The following KANSL2 variants were observed in gnomAD, a reference collection of about 807,000 sequenced individuals.
The protein encoded by KANSL2 is NSL complex protein NSL2.
Under a neutral mutation model 55.6 loss-of-function variants are expected in KANSL2, and 34 were observed. The observed-to-expected ratio is 0.61, with a 90% confidence interval of 0.46 to 0.81. The LOEUF (loss-of-function observed/expected upper bound fraction) is 0.81, where lower values mean the gene tolerates loss of function less well. KANSL2 is among the 40% of genes least tolerant of loss of function. The pLI is 0.00. For missense variants in KANSL2, 502 were observed against 609.9 expected (o/e 0.82, Z 1.86); for synonymous variants, 209 against 214.3 (o/e 0.98, Z 0.22).
rs564271582 is a variant in KANSL2 at position 48,678,399 on chromosome 12, G to T, written c.545+637C>A. Among the ~76,000 whole-genome samples, 12 of 151,876 alleles carry T rather than the reference G, an allele frequency of 7.9e-5. No homozygotes were observed. The South Asian group carries it at 2.5e-3, about 32-fold the overall frequency. On this transcript the variant is annotated intron_variant, in intron 4 of 9. Coordinates refer to ENST00000420613, the MANE Select transcript of KANSL2 (RefSeq NM_017822.4). Reference sequence around the variant, plus strand: ...ATAATCACTTTTGGGTTTCTAAATCGGTTTCTCTTTCTTAGGCATGAAACC... The same window carrying T: ...ATAATCACTTTTGGGTTTCTAAATCTGTTTCTCTTTCTTAGGCATGAAACC...
At chr12:48,680,063 G>GTTTTTT in intron 2 of KANSL2, 1 of 446,078 alleles carries the variant, frequency 2.2e-6, no homozygotes. Context: ...CCAGCACTTT[G>GTTTTTT]GGAGGCTGAG....
intron 7 of KANSL2, chr12:48,662,703 TGGAAA>T (rs1565605411): frequency 8.0e-7 from 1 of 1,245,990 alleles, no homozygotes; most frequent in South Asian, 1.3e-5. Flanking sequence ...AACTATGGAG[TGGAAA>T]GGAAAGAGCA....
At chr12:48,660,694 A>G (rs1435896843) in intron 7 of KANSL2, 75 bp from the exon 8 acceptor site, 9 of 1,450,016 alleles carry the variant, frequency 6.2e-6, no homozygotes, top group Admixed American at 4.1e-5. Context: ...TGTCTGCCAC[A>G]TAAAACTCAA....
At chr12:48,679,969 G>A (rs984357897) in intron 2 of KANSL2, 136 bp from the exon 3 acceptor site, 1 of 767,966 alleles carries the variant, frequency 1.3e-6, no homozygotes, top group South Asian at 2.0e-5. Context: ...GCAAGTCAGA[G>A]GAATTTAACT....
chr12:48,663,356 T>G (rs904438803), intron 7 of KANSL2, among the ~76,000 whole-genome samples: 8 of 152,234 alleles, frequency 5.3e-5, no homozygotes, highest in Non-Finnish European at 7.3e-5. Context: ...ACTTTTGAAA[T>G]TCACTGACTC....
chr12:48,661,777 C>T (rs112331699), intron 7 of KANSL2, among the ~76,000 whole-genome samples: 11 of 152,316 alleles, frequency 7.2e-5, no homozygotes, highest in African/African-American at 2.4e-4. Flanking sequence ...AGGCCAGGTA[C>T]ATCTTTGTTG....
At chr12:48,669,354 T>C in intron 5 of KANSL2, 82 bp from the exon 6 acceptor site, 1 of 1,154,426 alleles carries the variant, frequency 8.7e-7, no homozygotes, top group Non-Finnish European at 1.2e-6. Context: ...AACAGGAAAA[T>C]CCTTGGGCAT....
At chr12:48,659,687 ACT>A (rs1461295525) in intron 8 of KANSL2, among the ~76,000 whole-genome samples, 5 of 152,194 alleles carry the variant, frequency 3.3e-5, no homozygotes, top group East Asian at 1.9e-4. Context: ...ACCGACAGAA[ACT>A]CTGTCTCAAA....
chr12:48,679,630 TCA>T, intron 3 of KANSL2, 23 bp downstream of exon 3: 1 of 1,601,320 alleles, frequency 6.2e-7, no homozygotes, highest in Non-Finnish European at 8.5e-7. Context: ...TCCTCCTTTT[TCA>T]TTCCAGGAGA....
intron 4 of KANSL2, among the ~76,000 whole-genome samples, chr12:48,672,433 AT>A (rs1555155470): frequency 2.7e-4 from 32 of 120,384 alleles, no homozygotes; most frequent in Non-Finnish European, 2.7e-4. Context: ...ATATATATAT[AT>A]TTTTTTTTTG....
chr12:48,676,238 G>C lies in KANSL2; in HGVS notation c.545+2798C>G, dbSNP rs77845520. On this transcript the variant is annotated intron_variant, in intron 4 of 9. Coordinates refer to ENST00000420613, the MANE Select transcript of KANSL2 (RefSeq NM_017822.4). ...CTACTTGAGCCTCTCGAGTAGTTAAGACTACAGACCACGTGCACCACCACG... is the reference window on the plus strand; with the variant it reads ...CTACTTGAGCCTCTCGAGTAGTTAACACTACAGACCACGTGCACCACCACG... Among the ~76,000 whole-genome samples, 894 of 152,262 alleles carry C rather than the reference G, an allele frequency of 5.9e-3. 8 individuals are homozygous for C. Among genetic ancestry groups the C allele is most frequent in the African/African-American group, 0.02 (816 of 41,554 alleles).
intron 7 of KANSL2, among the ~76,000 whole-genome samples, chr12:48,664,756 G>A (rs1161529046): frequency 1.3e-5 from 2 of 149,790 alleles, no homozygotes; most frequent in Non-Finnish European, 3.0e-5. Flanking sequence ...AGTTTTTTTT[G>A]TATTTTTAGT....
In KANSL2 at chr12:48,670,758, C is replaced by T. The variant is rs552086293; in HGVS notation, c.709+1041G>A. On this transcript the variant is annotated intron_variant, in intron 5 of 9. Transcript: ENST00000420613. ...GCCACGGTCGGAGGATCACTTGAGC[C>T]CAGGAGTTCAAGACTAACCTGGGCA... 1.1e-4 allele frequency among the ~76,000 whole-genome samples: 17 copies of T among 150,650 alleles called. 1 individual carries two copies. The Middle Eastern group carries it at 0.021, about 189-fold the overall frequency.
At position 48,679,641 on chromosome 12, in the gene KANSL2, G is replaced by C. The variant is rs761563248; in HGVS notation, c.430+14C>G. ...TTCTTCCTCCTTTTTCATTCCAGGA[G>C]AGAAGGTCCTTACCTAGTATTCGGC... On this transcript the variant is annotated intron_variant, in intron 3 of 9. Transcript: ENST00000420613. 1 of 1,609,310 alleles carries C rather than the reference G, an allele frequency of 6.2e-7. No homozygotes were observed. Among genetic ancestry groups the C allele is most frequent in the South Asian group, 1.1e-5 (1 of 90,684 alleles).
chr12:48,670,177 C>T (rs1049260738), intron 5 of KANSL2, among the ~76,000 whole-genome samples: 4 of 138,006 alleles, frequency 2.9e-5, no homozygotes, highest in South Asian at 2.4e-4. Context: ...TCCAGCCTGG[C>T]GACAGAGTGA....
intron 4 of KANSL2, 73 bp downstream of exon 4, chr12:48,678,959 AATTT>A: frequency 9.8e-7 from 1 of 1,020,512 alleles, no homozygotes; most frequent in Non-Finnish European, 1.5e-6. Context: ...CTAGGTTACT[AATTT>A]ATTAACAGCA....
intron 2 of KANSL2, 58 bp from the exon 3 acceptor site, chr12:48,679,891 T>C (rs1592110824): frequency 7.6e-7 from 1 of 1,322,554 alleles, no homozygotes; most frequent in Non-Finnish European, 1.0e-6. Context: ...TTCAATAATG[T>C]TCACAGTCCC....
chr12:48,672,343 T>C (rs1284523923), intron 4 of KANSL2, among the ~76,000 whole-genome samples: 4 of 148,084 alleles, frequency 2.7e-5, no homozygotes, highest in East Asian at 1.9e-4. Flanking sequence ...TTAACATGTA[T>C]CTTTCACATA....
rs7303113 is a variant in KANSL2 at position 48,671,944 on chromosome 12, T to C, written c.564A>G (p.Thr188=). The C allele has an allele frequency of 0.32, 504,195 of 1,595,278 alleles. 84,460 individuals are homozygous for C. Among genetic ancestry groups the C allele is most frequent in the Non-Finnish European group, 0.35 (407,194 of 1,168,646 alleles). The change falls in exon 5 of 10, where the codon ACA becomes ACG. Residue 188 remains threonine, a synonymous_variant. Transcript: ENST00000420613. ...EDPLKHAGVY[T]AEEVALIMRE... is the part of the protein sequence containing the mutation. The stretch of plus-strand genomic sequence containing the variant: ...GCATAATCAGGGCCACTTCTTCTGC[T>C]GTGTAGACACCAGCATGTCTGGAAT...
Sources: gnomAD v4.1 joint callset for allele counts (sites outside exome capture counted in the v4.1 genomes callset) on GRCh38, gnomAD v4.1.1 for gene constraint, MANE v1.5 for transcripts, NCBI Gene and HGNC (gene_info 2026-07-23, HGNC 2026-07-21) for gene names.